PLEKHA6: variants seen among roughly 807,000 people sequenced by gnomAD.
PLEKHA6 encodes the protein pleckstrin homology domain-containing family A member 6.
Under a neutral mutation model 116.7 loss-of-function variants are expected in PLEKHA6, and 60 were observed. That is an observed-to-expected ratio of 0.51 (90% CI 0.42 to 0.64). PLEKHA6 has a LOEUF of 0.64. Ranked by LOEUF, PLEKHA6 falls within the 30% of genes least tolerant of loss-of-function variation. The pLI is 0.00. For missense variants in PLEKHA6, 1,338 were observed against 1,422.7 expected, an observed-to-expected ratio of 0.94 and a Z score of 0.96; for synonymous variants, 489 against 556.1, an observed-to-expected ratio of 0.88 and a Z score of 1.70.
At chr1:204,302,059 T>C (rs897333990) in intron 1 of PLEKHA6, among the ~76,000 whole-genome samples, 1 of 152,218 alleles carries the variant, frequency 6.6e-6, no homozygotes, top group Non-Finnish European at 1.5e-5. Context: ...TTGTGGATGC[T>C]TCTTTTCTTG....
intron 1 of PLEKHA6, among the ~76,000 whole-genome samples, chr1:204,343,771 C>T (rs1010666378): frequency 3.3e-5 from 5 of 152,164 alleles, no homozygotes; most frequent in African/African-American, 1.2e-4. Flanking sequence ...ACCATGTGCC[C>T]GAGACACTAG....
intron 1 of PLEKHA6, among the ~76,000 whole-genome samples, chr1:204,296,487 C>T (rs57062135): frequency 0.015 from 2,225 of 152,302 alleles, 66 homozygotes; most frequent in African/African-American, 0.051. Flanking sequence ...CAGAGTCCCT[C>T]CCCACTCCCC....
chr1:204,313,618 T>C (rs940439724), intron 1 of PLEKHA6: 1 of 985,048 alleles, frequency 1.0e-6, no homozygotes, highest in Non-Finnish European at 1.2e-6. Flanking sequence ...CTATATTCCA[T>C]ATTAGCCCAA....
At position 204,228,314 on chromosome 1, in the gene PLEKHA6, G is replaced by C; in HGVS notation, c.2886-86C>G. The C allele has an allele frequency of 7.5e-7, 1 of 1,339,024 alleles. No individual in the cohort carries two copies. The highest frequency in any genetic ancestry group is 1.0e-6 in the Non-Finnish European group (1 of 968,758). 82.9% of individuals were successfully genotyped at this position (1,339,024 alleles called of 1,614,324 possible). A position where few individuals can be genotyped will look rare whatever the true frequency, so the allele number is the denominator to read the frequency against. Reference sequence around the variant, plus strand: ...GGGGCCTGCGGACTGAGGTTGGCAGGGAGGGCCAGGGCCCCGTGAATGTGC... The same window carrying C: ...GGGGCCTGCGGACTGAGGTTGGCAGCGAGGGCCAGGGCCCCGTGAATGTGC... On this transcript the variant is annotated intron_variant, in intron 20 of 22. Coordinates refer to ENST00000272203, the MANE Select transcript of PLEKHA6 (RefSeq NM_014935.5). This position sits in a 1 kb window ranked among gnomAD's most constrained non-coding sequence, Gnocchi z 4.0.
intron 1 of PLEKHA6, among the ~76,000 whole-genome samples, chr1:204,294,685 C>G (rs1012668150): frequency 2.6e-5 from 4 of 152,204 alleles, no homozygotes; most frequent in Non-Finnish European, 5.9e-5. Flanking sequence ...AATCCCGGCT[C>G]CACCAGTTAC....
intron 21 of PLEKHA6, among the ~76,000 whole-genome samples, chr1:204,225,721 A>G (rs2102384060): frequency 6.6e-6 from 1 of 152,364 alleles, no homozygotes; most frequent in Middle Eastern, 3.4e-3. Flanking sequence ...GGATTCATAA[A>G]TAACAGGTCT....
In PLEKHA6 at chr1:204,257,576, T is replaced by C; in HGVS notation, c.1301A>G (p.Tyr434Cys). 1.9e-6 allele frequency: 3 copies of C among 1,607,494 alleles called. No homozygotes were observed. The highest frequency in any genetic ancestry group is 2.5e-6 in the Non-Finnish European group (3 of 1,176,858). ...IPSPSRQPVY[Y>C]DELDAASSSL... The stretch of plus-strand genomic sequence containing the variant: ...GCTAGAGGCGGCATCCAGCTCATCA[T>C]AATAGACTGGCTGCCGGGAGGGGCT... The change falls in exon 9 of 23, where the codon TAT becomes TGT. Residue 434 changes from tyrosine to cysteine, a missense_variant. Around this residue, in one of 3 missense-constraint regions of PLEKHA6, gnomAD observed 1,136 missense variants for 1,163.6 expected, o/e 0.98. Transcript: ENST00000272203. This position sits in a 1 kb window ranked among gnomAD's most constrained non-coding sequence, Gnocchi z 6.5.
At chr1:204,361,707 C>A (rs539311327), upstream of PLEKHA6, among the ~76,000 whole-genome samples, 3 of 152,266 alleles carry the variant, frequency 2.0e-5, no homozygotes, top group Non-Finnish European at 4.4e-5. Flanking sequence ...ACCGATCAAG[C>A]CCAACTCACC....
rs1005077934 is a variant in PLEKHA6, at chr1:204,269,183, T to C, written c.103-871A>G. Among the ~76,000 whole-genome samples the C allele has an allele frequency of 9.2e-5, 14 of 151,498 alleles. No individual in the cohort carries two copies. In the East Asian group the frequency reaches 2.6e-3, roughly 28 times the overall value. On this transcript the variant is annotated intron_variant, in intron 3 of 22. Transcript: ENST00000272203. ...CCACCCTTTGGGCTTTCTCACTCCA[T>C]TAACTCAACACCAGCTTTTCTACTC...
intron 1 of PLEKHA6, among the ~76,000 whole-genome samples, chr1:204,286,532 G>C (rs372595424): frequency 2.6e-5 from 4 of 152,188 alleles, no homozygotes; most frequent in African/African-American, 2.4e-5. Context: ...ACACCTGTTG[G>C]AGTATATGAG....
chr1:204,310,468 C>T (rs1405783890), intron 1 of PLEKHA6, among the ~76,000 whole-genome samples: 1 of 152,198 alleles, frequency 6.6e-6, no homozygotes, highest in Admixed American at 6.5e-5. Flanking sequence ...CACCAAAGTA[C>T]CTCAGCCTAC....
intron 9 of PLEKHA6, chr1:204,251,684 C>T (rs1012121646): frequency 1.3e-5 from 9 of 670,328 alleles, no homozygotes; most frequent in Non-Finnish European, 2.2e-5. Context: ...CCCACCTGTG[C>T]TTGTTTCCCA....
rs1012931022 is a variant in PLEKHA6 at position 204,222,393 on chromosome 1, C to T, written c.*395G>A. On this transcript the variant is annotated 3_prime_UTR_variant, in exon 23 of 23. Transcript: ENST00000272203. ...ACCTCTAGTCCTCACATAAGATAGC[C>T]ACAGGTGTGTTCTCCACCACGGCAT... 1.3e-5 allele frequency: 2 copies of T among 152,740 alleles called. No individual in the cohort carries two copies. The highest frequency in any genetic ancestry group is 2.9e-5 in the Non-Finnish European group (2 of 68,172). The allele number at this position is 152,740 out of a possible 1,614,324, so 9.5% of individuals were successfully genotyped here. A position where few individuals can be genotyped will look rare whatever the true frequency, so the allele number is the denominator to read the frequency against.
At chr1:204,362,206 A>T (rs1348482298), upstream of PLEKHA6, among the ~76,000 whole-genome samples, 1 of 152,212 alleles carries the variant, frequency 6.6e-6, no homozygotes, top group Non-Finnish European at 1.5e-5. Flanking sequence ...GATGGACCAG[A>T]GATAATAAAT....
At chr1:204,244,484 G>A (rs4265489) in intron 15 of PLEKHA6, among the ~76,000 whole-genome samples, 78,355 of 151,734 alleles carry the variant, frequency 0.52, 20,866 homozygotes, top group African/African-American at 0.66. Flanking sequence ...GCCCACAGTC[G>A]AGCCCCAGAA....
chr1:204,344,991 G>A (rs1490624627), intron 1 of PLEKHA6, among the ~76,000 whole-genome samples: 1 of 152,196 alleles, frequency 6.6e-6, no homozygotes, highest in Non-Finnish European at 1.5e-5. Context: ...TGGAGAAGGT[G>A]GGGAAAGCGA....
At chr1:204,332,944 A>G (rs1339483855) in intron 1 of PLEKHA6, among the ~76,000 whole-genome samples, 1 of 152,244 alleles carries the variant, frequency 6.6e-6, no homozygotes, top group Non-Finnish European at 1.5e-5. Flanking sequence ...TCTCAGTAGA[A>G]AAGACGCTCT....
At chr1:204,351,652 A>C (rs550294729) in intron 1 of PLEKHA6, among the ~76,000 whole-genome samples, 7 of 152,304 alleles carry the variant, frequency 4.6e-5, no homozygotes, top group African/African-American at 1.7e-4. Flanking sequence ...GCCATACAAC[A>C]ATCATATTAT....
intron 1 of PLEKHA6, among the ~76,000 whole-genome samples, chr1:204,289,911 A>C (rs1669574963): frequency 6.6e-6 from 1 of 152,248 alleles, no homozygotes; most frequent in African/African-American, 2.4e-5. Context: ...TATACTGGCA[A>C]CAAACAATGA....
Sources: gnomAD v4.1 joint callset for allele counts (sites outside exome capture counted in the v4.1 genomes callset) on GRCh38, gnomAD v4.1.1 for gene constraint, gnomAD v4.1.1 regional missense constraint, Gnocchi (gnomAD v3.1) non-coding constraint, MANE v1.5 for transcripts, NCBI Gene and HGNC (gene_info 2026-07-23, HGNC 2026-07-21) for gene names.